Variants in CLIC4 observed in about 807,000 individuals in gnomAD.
CLIC4 encodes CLIC family member 4.
In CLIC4, 13 loss-of-function variants were observed where a neutral mutation model predicts 24.6. The observed-to-expected ratio is 0.53, with a 90% confidence interval of 0.34 to 0.84. The LOEUF (loss-of-function observed/expected upper bound fraction) is 0.84. Among genes scored for constraint, CLIC4 ranks in the 40% least tolerant of loss-of-function variants. CLIC4 has a pLI of 0.01. For synonymous variants in CLIC4, 104 were observed against 111.3 expected (o/e 0.93, Z 0.41); for missense variants, 227 against 301.7 (o/e 0.75, Z 1.83).
intron 1 of CLIC4, among the ~76,000 whole-genome samples, chr1:24,767,527 A>G (rs547581288): frequency 3.3e-5 from 5 of 152,312 alleles, no homozygotes; most frequent in African/African-American, 1.2e-4. Flanking sequence ...CAGGGTTAGT[A>G]CAAAAAAAGT....
intron 1 of CLIC4, among the ~76,000 whole-genome samples, chr1:24,791,058 G>A (rs1175665193): frequency 6.6e-6 from 1 of 152,064 alleles, no homozygotes; most frequent in African/African-American, 2.4e-5. Flanking sequence ...AGAAGAATAA[G>A]TAGCAAATTA....
intron 1 of CLIC4, among the ~76,000 whole-genome samples, chr1:24,760,540 C>G (rs929680651): frequency 2.0e-5 from 3 of 152,114 alleles, no homozygotes; most frequent in Admixed American, 6.6e-5. Flanking sequence ...CTTAAACATG[C>G]TCTGCACTTC....
chr1:24,827,197 A>G (rs1639795559), intron 4 of CLIC4, 81 bp downstream of exon 4: 1 of 893,640 alleles, frequency 1.1e-6, no homozygotes, highest in Admixed American at 2.3e-5. Context: ...GTGATTATAA[A>G]TGAGTACTTT....
rs537807379 is a variant in CLIC4 at position 24,789,702 on chromosome 1, G to A, written c.73-8040G>A. On this transcript the variant is annotated intron_variant, in intron 1 of 5. Coordinates refer to ENST00000374379, the MANE Select transcript of CLIC4 (RefSeq NM_013943.3). ...TAAATTTCAGTTACTGTATTTTTCAGTTCTAAAATTTCCATCTGGGACTTC... is the reference window on the plus strand; with the variant it reads ...TAAATTTCAGTTACTGTATTTTTCAATTCTAAAATTTCCATCTGGGACTTC... Among the ~76,000 whole-genome samples the A allele has an allele frequency of 1.5e-4, 22 of 151,390 alleles. No homozygotes were observed. In the South Asian group the frequency reaches 4.4e-3, roughly 30 times the overall value.
chr1:24,768,922 A>G (rs1163970657), intron 1 of CLIC4, among the ~76,000 whole-genome samples: 1 of 146,880 alleles, frequency 6.8e-6, no homozygotes, highest in Non-Finnish European at 1.5e-5. Flanking sequence ...AAAAAAAAAG[A>G]AAAAGAAAGA....
At chr1:24,754,564 T>C (rs1571228138) in intron 1 of CLIC4, among the ~76,000 whole-genome samples, 1 of 152,200 alleles carries the variant, frequency 6.6e-6, no homozygotes. Flanking sequence ...TTGCCTGTTT[T>C]AGACGCTTGC....
At chr1:24,825,934 C>T (rs1342118522) in intron 3 of CLIC4, among the ~76,000 whole-genome samples, 8 of 152,292 alleles carry the variant, frequency 5.3e-5, no homozygotes, top group South Asian at 2.1e-4. Context: ...TTTCTAGTGA[C>T]GTTTTGCAGG....
intron 3 of CLIC4, among the ~76,000 whole-genome samples, chr1:24,824,014 T>C (rs1639762584): frequency 6.6e-6 from 1 of 152,184 alleles, no homozygotes; most frequent in Non-Finnish European, 1.5e-5. Context: ...CCTTTTATTA[T>C]TTGCCTCCCT....
At chr1:24,816,398 A>C (rs6687725) in intron 3 of CLIC4, among the ~76,000 whole-genome samples, 151,300 of 152,198 alleles carry the variant, frequency 0.99, 75,205 homozygotes, top group Middle Eastern at 1. Context: ...TGCCGCCATG[A>C]CCAGCTAATT....
At chr1:24,757,854 A>G (rs920275574) in intron 1 of CLIC4, among the ~76,000 whole-genome samples, 8 of 151,562 alleles carry the variant, frequency 5.3e-5, no homozygotes, top group South Asian at 2.1e-4. Flanking sequence ...TGCAACCCCA[A>G]CCTCCTGGGC....
intron 2 of CLIC4, among the ~76,000 whole-genome samples, chr1:24,801,841 A>G (rs1010545678): frequency 1.3e-5 from 2 of 152,252 alleles, no homozygotes; most frequent in Non-Finnish European, 2.9e-5. Context: ...TTAGTTATGT[A>G]TATAAATGTA....
chr1:24,820,097 A>ATATATATATATAT (rs1448055026), intron 3 of CLIC4, among the ~76,000 whole-genome samples: 1 of 100,378 alleles, frequency 1.0e-5, no homozygotes, highest in Non-Finnish European at 2.1e-5. Context: ...ATATATATAT[A>ATATATATATATAT]GACAGTATCT....
At chr1:24,805,851 A>G (rs984756639) in intron 2 of CLIC4, among the ~76,000 whole-genome samples, 53 of 152,196 alleles carry the variant, frequency 3.5e-4, no homozygotes, top group African/African-American at 1.3e-3. Flanking sequence ...ATTAGCTCCT[A>G]TAGGATTCCT....
intron 1 of CLIC4, among the ~76,000 whole-genome samples, chr1:24,788,035 T>C (rs1184278810): frequency 2.0e-5 from 3 of 151,206 alleles, no homozygotes; most frequent in African/African-American, 4.9e-5. Flanking sequence ...TTTGTATTTT[T>C]AGTAGAGACG....
At chr1:24,817,159 A>G (rs528130282) in intron 3 of CLIC4, among the ~76,000 whole-genome samples, 8 of 152,332 alleles carry the variant, frequency 5.3e-5, no homozygotes, top group Admixed American at 2.6e-4. Flanking sequence ...ACCTTCATCA[A>G]TGATCTATCT....
intron 1 of CLIC4, among the ~76,000 whole-genome samples, chr1:24,795,289 C>A (rs923906562): frequency 1.3e-4 from 20 of 152,098 alleles, no homozygotes; most frequent in African/African-American, 4.3e-4. Context: ...CATTGCCATT[C>A]ATTAAGTAGG....
At chr1:24,746,030 C>A (rs1246244552) in intron 1 of CLIC4, among the ~76,000 whole-genome samples, 1 of 151,452 alleles carries the variant, frequency 6.6e-6, no homozygotes, top group African/African-American at 2.4e-5. Context: ...CGCTCCGGTC[C>A]GCCGCCCGGA....
intron 1 of CLIC4, among the ~76,000 whole-genome samples, chr1:24,754,728 C>A (rs1422064535): frequency 1.3e-5 from 2 of 151,774 alleles, no homozygotes; most frequent in Non-Finnish European, 2.9e-5. Flanking sequence ...TCGAGACTTG[C>A]CTCTTATCTC....
At chr1:24,753,876 T>G (rs958114181) in intron 1 of CLIC4, among the ~76,000 whole-genome samples, 2 of 152,142 alleles carry the variant, frequency 1.3e-5, no homozygotes, top group Non-Finnish European at 2.9e-5. Flanking sequence ...GGCTTCAAAC[T>G]TCCCCCCGTC....
Sources: gnomAD v4.1 joint callset for allele counts (sites outside exome capture counted in the v4.1 genomes callset) on GRCh38, gnomAD v4.1.1 for gene constraint, MANE v1.5 for transcripts, NCBI Gene and HGNC (gene_info 2026-07-23, HGNC 2026-07-21) for gene names.